UBE2E3: variants seen among roughly 807,000 people sequenced by gnomAD.
The protein encoded by UBE2E3 is ubiquitin-conjugating enzyme E2 E3.
UBE2E3 carries 5 observed loss-of-function variants against 23.6 expected under a neutral mutation model. The ratio of observed to expected loss-of-function variants is 0.21; its 90% CI spans 0.11 to 0.44. UBE2E3 has a LOEUF of 0.44. UBE2E3 is among the 20% of genes least tolerant of loss of function. The probability of loss-of-function intolerance (pLI) is 0.99; values close to 1 mark genes in which losing one functional copy is unlikely to be tolerated. For missense variants in UBE2E3, 81 were observed against 249.8 expected (o/e 0.32, Z 4.55); for synonymous variants, 78 against 87.5 (o/e 0.89, Z 0.60).
Position 181,060,940 on chromosome 2 carries a change from C to G in UBE2E3, c.526+128C>G, listed in dbSNP as rs1687135713. The G allele has an allele frequency of 3.1e-6, 3 of 969,080 alleles. No homozygotes were observed. The African/African-American group carries it at 5.4e-5, about 18-fold the overall frequency. The allele number at this position is 969,080 out of a possible 1,614,324, so 60.0% of individuals were successfully genotyped here. A position where few individuals can be genotyped will look rare whatever the true frequency, so the allele number is the denominator to read the frequency against. On this transcript the variant is annotated intron_variant, in intron 5 of 5. Transcript: ENST00000410062. ...GTAAATGTTATTCATAGAAAGATCC[C>G]CATAAAACAGTTTGTGAGGAAATTA...
chr2:181,019,320 A>G (rs764920625), intron 3 of UBE2E3, among the ~76,000 whole-genome samples: 2 of 152,218 alleles, frequency 1.3e-5, no homozygotes, highest in Non-Finnish European at 2.9e-5. Flanking sequence ...ACGCTAAATC[A>G]TTGGAACATG....
At chr2:181,012,464 T>C (rs185447400) in intron 3 of UBE2E3, among the ~76,000 whole-genome samples, 65 of 152,238 alleles carry the variant, frequency 4.3e-4, no homozygotes, top group African/African-American at 1.4e-3. Flanking sequence ...TAGGTGGGTG[T>C]ACACACACAC....
At chr2:181,030,543 C>T (rs191857851) in intron 3 of UBE2E3, among the ~76,000 whole-genome samples, 1 of 152,068 alleles carries the variant, frequency 6.6e-6, no homozygotes, top group Admixed American at 6.5e-5. Context: ...TTTTTTCTTA[C>T]ACCTAATTAG....
At chr2:181,057,604 T>C in intron 3 of UBE2E3, 89 bp from the exon 4 acceptor site, 3 of 1,120,374 alleles carry the variant, frequency 2.7e-6, no homozygotes, top group Non-Finnish European at 3.8e-6. Context: ...TCTAGATTGC[T>C]AATTTACCTT....
At chr2:181,023,466 C>T (rs1023410378) in intron 3 of UBE2E3, among the ~76,000 whole-genome samples, 2 of 152,122 alleles carry the variant, frequency 1.3e-5, no homozygotes, top group Admixed American at 1.3e-4. Flanking sequence ...AATGCTTTCA[C>T]CTTTCATTTG....
At chr2:181,018,360 C>CTG (rs200158863) in intron 3 of UBE2E3, among the ~76,000 whole-genome samples, 2,456 of 142,760 alleles carry the variant, frequency 0.017, 37 homozygotes, top group Middle Eastern at 0.043. Context: ...ATTTTTATCT[C>CTG]TGTGTGTGTG....
rs75119750 is a variant in UBE2E3, at chr2:181,050,496, A to G, written c.246-7197A>G. Among the ~76,000 whole-genome samples, 1,289 of 152,036 alleles carry G rather than the reference A, an allele frequency of 8.5e-3. 21 individuals are homozygous for G. Among genetic ancestry groups the G allele is most frequent in the African/African-American group, 0.029 (1,224 of 41,526 alleles). The stretch of plus-strand genomic sequence containing the variant: ...ATGGAACAAAGAATTAATAATCCAA[A>G]TTATATGAAGCATTTAAAAGTCTGT... On this transcript the variant is annotated intron_variant, in intron 3 of 5. Transcript: ENST00000410062.
intron 3 of UBE2E3, among the ~76,000 whole-genome samples, chr2:181,019,755 C>T (rs868579305): frequency 6.6e-6 from 1 of 152,088 alleles, no homozygotes; most frequent in South Asian, 2.1e-4. Flanking sequence ...TATTTTGATA[C>T]ATGTATATTG....
chr2:181,011,098 A>G (rs1297622832), intron 3 of UBE2E3, among the ~76,000 whole-genome samples: 3 of 150,946 alleles, frequency 2.0e-5, no homozygotes, highest in Non-Finnish European at 4.4e-5. Flanking sequence ...TTTTTTTTTA[A>G]TTAGTTAGAG....
intron 4 of UBE2E3, among the ~76,000 whole-genome samples, chr2:181,060,343 G>A (rs1687107447): frequency 6.6e-6 from 1 of 151,646 alleles, no homozygotes; most frequent in South Asian, 2.1e-4. Context: ...CTTTCTGTAT[G>A]TATGTGTACA....
chr2:180,989,910 A>G (rs886936172), intron 3 of UBE2E3: 1 of 1,549,516 alleles, frequency 6.5e-7, no homozygotes, highest in African/African-American at 1.4e-5. Context: ...CATAGAGTGT[A>G]AGGACATTCA....
At chr2:180,989,804 C>T (rs1684600135) in intron 3 of UBE2E3, 1 of 1,405,016 alleles carries the variant, frequency 7.1e-7, no homozygotes, top group Non-Finnish European at 9.5e-7. Context: ...CAGTCATATT[C>T]CTCTCATAAC....
At chr2:181,059,390 A>G (rs1420219360) in intron 4 of UBE2E3, among the ~76,000 whole-genome samples, 1 of 151,798 alleles carries the variant, frequency 6.6e-6, no homozygotes, top group East Asian at 1.9e-4. Flanking sequence ...ATTGAGCAGT[A>G]ACGTCAGTGA....
chr2:181,062,916 G>T lies in UBE2E3; in HGVS notation c.*28G>T, dbSNP rs1006421497. The T allele has an allele frequency of 2.1e-6, 3 of 1,408,308 alleles. No individual in the cohort carries two copies. The highest frequency in any genetic ancestry group is 3.0e-6 in the Non-Finnish European group (3 of 1,002,374). The allele number at this position is 1,408,308 out of a possible 1,614,324, so 87.2% of individuals were successfully genotyped here. On this transcript the variant is annotated 3_prime_UTR_variant, in exon 6 of 6. Transcript: ENST00000410062. ...CACATAATTTGTATGCAGTGTGAAG[G>T]AGCAGAAGGCATCTTCTCACTGTGC...
chr2:181,044,695 T>C (rs907034662), intron 3 of UBE2E3, among the ~76,000 whole-genome samples: 3 of 152,148 alleles, frequency 2.0e-5, no homozygotes, highest in Middle Eastern at 3.2e-3. Flanking sequence ...ATGCATCTTT[T>C]GTTGTTTTGT....
intron 3 of UBE2E3, among the ~76,000 whole-genome samples, chr2:181,021,423 TCCTC>T (rs1175668058): frequency 4.6e-4 from 59 of 129,624 alleles, no homozygotes; most frequent in African/African-American, 1.5e-3. Context: ...CTCCCTCCCT[TCCTC>T]CCTTCCTTCC....
At chr2:181,043,643 CAAGA>C (rs1686580345) in intron 3 of UBE2E3, among the ~76,000 whole-genome samples, 1 of 152,042 alleles carries the variant, frequency 6.6e-6, no homozygotes, top group South Asian at 2.1e-4. Context: ...GACAAAAACA[CAAGA>C]AAGTAAAATA....
upstream of UBE2E3, chr2:180,980,402 G>T (rs985143836): frequency 3.3e-5 from 5 of 151,612 alleles, no homozygotes; most frequent in African/African-American, 1.2e-4. This position sits in a 1 kb window ranked among gnomAD's most constrained non-coding sequence, Gnocchi z 5.5. Flanking sequence ...CCAGCCCGCC[G>T]GGTCCCCGCC....
chr2:180,998,178 G>C (rs189502943), intron 3 of UBE2E3, among the ~76,000 whole-genome samples: 1 of 152,070 alleles, frequency 6.6e-6, no homozygotes, highest in African/African-American at 2.4e-5. Context: ...AATATTAATA[G>C]CATTTCCTTT....
Sources: gnomAD v4.1 joint callset for allele counts (sites outside exome capture counted in the v4.1 genomes callset) on GRCh38, gnomAD v4.1.1 for gene constraint, Gnocchi (gnomAD v3.1) non-coding constraint, MANE v1.5 for transcripts, NCBI Gene and HGNC (gene_info 2026-07-23, HGNC 2026-07-21) for gene names.